Variants in CCSER1 observed in about 807,000 individuals in gnomAD.
CCSER1 encodes serine-rich coiled-coil domain-containing protein 1.
Under a neutral mutation model 82.0 loss-of-function variants are expected in CCSER1, and 41 were observed. The observed-to-expected ratio is 0.50, with a 90% CI of 0.39 to 0.65. The LOEUF is 0.65. Among genes scored for constraint, CCSER1 ranks in the 30% least tolerant of loss-of-function variants. The pLI is 0.00. For synonymous variants in CCSER1, 414 were observed against 383.9 expected (o/e 1.08, Z -0.92); for missense variants, 1,119 against 1,064.2 (o/e 1.05, Z -0.72).
chr4:91,507,125 T>G (rs920604731), intron 10 of CCSER1, among the ~76,000 whole-genome samples: 3 of 152,192 alleles, frequency 2.0e-5, no homozygotes, highest in African/African-American at 7.2e-5. Context: ...GATATATGTC[T>G]TCTTATGTCT....
At chr4:90,947,571 G>T (rs1343655013) in intron 9 of CCSER1, among the ~76,000 whole-genome samples, 1 of 152,078 alleles carries the variant, frequency 6.6e-6, no homozygotes. Context: ...CCTGGAACTT[G>T]TTGATATTAC....
intron 5 of CCSER1, among the ~76,000 whole-genome samples, chr4:90,518,235 G>A (rs1286274690): frequency 2.6e-5 from 4 of 151,966 alleles, no homozygotes; most frequent in South Asian, 2.1e-4. Context: ...ATGGATAAAA[G>A]CTTAATTTCA....
intron 9 of CCSER1, among the ~76,000 whole-genome samples, chr4:90,982,479 C>T (rs771146108): frequency 6.6e-5 from 10 of 151,730 alleles, no homozygotes; most frequent in Non-Finnish European, 1.3e-4. Context: ...ACTTACTTCT[C>T]ACTTGTAATT....
intron 10 of CCSER1, among the ~76,000 whole-genome samples, chr4:91,151,047 G>A (rs931696808): frequency 5.3e-5 from 8 of 152,090 alleles, no homozygotes; most frequent in Non-Finnish European, 7.4e-5. Context: ...AGGAATGGTA[G>A]CAGCTCCTCT....
chr4:90,168,114 C>T (rs919043936), intron 1 of CCSER1, among the ~76,000 whole-genome samples: 2 of 152,186 alleles, frequency 1.3e-5, no homozygotes, highest in Non-Finnish European at 2.9e-5. Context: ...GTTCCTATTT[C>T]TCCATATCCT....
chr4:91,347,096 G>T (rs1439413953), intron 10 of CCSER1, among the ~76,000 whole-genome samples: 1 of 151,972 alleles, frequency 6.6e-6, no homozygotes, highest in Non-Finnish European at 1.5e-5. Context: ...TTCTCCTGTG[G>T]TATCATTTAG....
At chr4:90,579,339 A>G (rs1044908895) in intron 5 of CCSER1, among the ~76,000 whole-genome samples, 8 of 152,292 alleles carry the variant, frequency 5.3e-5, no homozygotes, top group Admixed American at 2.6e-4. Flanking sequence ...CGACTTTACT[A>G]AGTGTTCTCT....
At chr4:91,045,464 C>T (rs13106577) in intron 9 of CCSER1, among the ~76,000 whole-genome samples, 56,087 of 151,806 alleles carry the variant, frequency 0.37, 11,588 homozygotes, top group East Asian at 0.63. Flanking sequence ...ATACACAATT[C>T]TTCATTATCC....
chr4:90,932,066 A>G (rs934398553), intron 9 of CCSER1, among the ~76,000 whole-genome samples: 4 of 152,302 alleles, frequency 2.6e-5, no homozygotes, highest in African/African-American at 7.2e-5. Context: ...AAAGTTTCCT[A>G]AAAGAAAGCC....
intron 9 of CCSER1, among the ~76,000 whole-genome samples, chr4:90,989,636 G>A (rs765275298): frequency 2.0e-5 from 3 of 151,738 alleles, no homozygotes; most frequent in Non-Finnish European, 4.4e-5. Flanking sequence ...CTTTTGAAAG[G>A]TGGAAGGAAG....
intron 7 of CCSER1, among the ~76,000 whole-genome samples, chr4:90,734,777 T>C (rs548123494): frequency 2.6e-5 from 4 of 152,322 alleles, no homozygotes; most frequent in South Asian, 4.1e-4. Context: ...ACAAGTATAA[T>C]GTGGTTTCTT....
chr4:90,541,420 G>A (rs942686271), intron 5 of CCSER1, among the ~76,000 whole-genome samples: 1 of 152,014 alleles, frequency 6.6e-6, no homozygotes, highest in Non-Finnish European at 1.5e-5. Flanking sequence ...GGAGAGCCCC[G>A]ATTTAGCTGT....
In CCSER1 at chr4:90,775,097, G is replaced by T. The variant is rs114059850; in HGVS notation, c.2011-40665G>T. Among the ~76,000 whole-genome samples the T allele has an allele frequency of 9.0e-3, 1,368 of 152,160 alleles. 10 individuals carry two copies. Among genetic ancestry groups the T allele is most frequent in the Non-Finnish European group, 0.012 (784 of 67,958 alleles). ...AATTGATTTAACAAAGGAAAAAAAT[G>T]ATTCATTGTAACATAATGACTCTTC... On this transcript the variant is annotated intron_variant, in intron 7 of 10. Coordinates refer to ENST00000509176, the MANE Select transcript of CCSER1 (RefSeq NM_001145065.2).
chr4:90,433,308 A>G (rs1262641042), intron 4 of CCSER1, among the ~76,000 whole-genome samples: 1 of 152,066 alleles, frequency 6.6e-6, no homozygotes, highest in Non-Finnish European at 1.5e-5. Flanking sequence ...TAAGTTTTAC[A>G]TGTTCTAATA....
intron 9 of CCSER1, among the ~76,000 whole-genome samples, chr4:90,967,052 A>G: frequency 6.6e-6 from 1 of 152,098 alleles, no homozygotes; most frequent in Admixed American, 6.5e-5. Flanking sequence ...AAGGTCAGAG[A>G]GATTGATAAA....
chr4:91,095,746 C>A (rs372650975), intron 10 of CCSER1, among the ~76,000 whole-genome samples: 1 of 152,112 alleles, frequency 6.6e-6, no homozygotes, highest in Non-Finnish European at 1.5e-5. Flanking sequence ...ACATTGGTGG[C>A]CTTCTGAGCC....
chr4:91,185,462 C>A (rs963968178), intron 10 of CCSER1, among the ~76,000 whole-genome samples: 1 of 152,198 alleles, frequency 6.6e-6, no homozygotes, highest in African/African-American at 2.4e-5. Context: ...CTGTTAGGGA[C>A]CTTTTGTGGG....
At chr4:90,928,729 C>A (rs1356318022) in intron 9 of CCSER1, among the ~76,000 whole-genome samples, 2 of 152,012 alleles carry the variant, frequency 1.3e-5, no homozygotes, top group African/African-American at 4.8e-5. Flanking sequence ...CGTGTTTAAT[C>A]AAAAATTCCT....
chr4:90,143,491 TACACACACACACAC>T (rs56859054), intron 1 of CCSER1, among the ~76,000 whole-genome samples: 4 of 141,320 alleles, frequency 2.8e-5, no homozygotes, highest in Admixed American at 7.2e-5. Context: ...AGTACACACA[TACACACACACACAC>T]ACACACACAC....
Sources: allele counts gnomAD v4.1 joint callset (sites outside exome capture counted in the v4.1 genomes callset), GRCh38; gene constraint gnomAD v4.1.1; transcripts MANE v1.5; gene names NCBI Gene and HGNC (gene_info 2026-07-23, HGNC 2026-07-21).